Variants in SEC23IP observed in about 807,000 individuals in gnomAD.
The protein encoded by SEC23IP is SEC23 interacting protein, also known as SEC23-interacting protein.
A neutral mutation model predicts 113.4 loss-of-function variants in SEC23IP; 70 were observed. That is an observed-to-expected ratio of 0.62 (90% CI 0.51 to 0.75). The LOEUF is 0.75. Among genes scored for constraint, SEC23IP ranks in the 30% least tolerant of loss-of-function variants. The probability of loss-of-function intolerance (pLI) is 0.00; values close to 1 mark genes in which losing one functional copy is unlikely to be tolerated. For synonymous variants in SEC23IP, 398 were observed against 421.0 expected (o/e 0.95, Z 0.67); for missense variants, 1,160 against 1,204.9 (o/e 0.96, Z 0.55).
At chr10:119,923,085 A>T (rs1484713867) in intron 12 of SEC23IP, among the ~76,000 whole-genome samples, 1 of 152,178 alleles carries the variant, frequency 6.6e-6, no homozygotes, top group Non-Finnish European at 1.5e-5. Context: ...CTGTAATGAA[A>T]GGGAAAAAAG....
Position 119,932,185 on chromosome 10 carries a change from T to C in SEC23IP, c.2625T>C (p.Ile875=). ...GATCTGATTTGAAGCAGGGTTTTAT[T>C]AGCTCTCTCAAAAGTGCTTGGCAGA... ...RMGSDLKQGF[I]SSLKSAWQTL... is the part of the protein sequence containing the mutation. The change falls in exon 16 of 19, where the codon ATT becomes ATC. Residue 875 remains isoleucine (I), a synonymous_variant. Transcript: ENST00000369075. The C allele has an allele frequency of 6.2e-7, 1 of 1,612,984 alleles. No homozygotes were observed. The highest frequency in any genetic ancestry group is 1.1e-5 in the South Asian group (1 of 91,046).
intron 2 of SEC23IP, among the ~76,000 whole-genome samples, chr10:119,899,270 C>A (rs757837526): frequency 1.3e-5 from 2 of 152,122 alleles, no homozygotes; most frequent in African/African-American, 4.8e-5. Flanking sequence ...AGAATTGAAG[C>A]GGTTATTGTC....
intron 11 of SEC23IP, 115 bp downstream of exon 11, chr10:119,919,711 T>G (rs1194594799): frequency 9.7e-6 from 8 of 827,138 alleles, no homozygotes; most frequent in Non-Finnish European, 1.4e-5. Context: ...AAGACTGAAA[T>G]GTTTTAAAAA....
chr10:119,919,741 TA>T (rs1855183342), intron 11 of SEC23IP, 145 bp downstream of exon 11: 4 of 694,824 alleles, frequency 5.8e-6, no homozygotes, highest in Admixed American at 7.4e-5. Flanking sequence ...CACAGAAGAA[TA>T]TTTTTTTATA....
intron 8 of SEC23IP, 112 bp downstream of exon 8, chr10:119,916,001 G>A (rs967861615): frequency 1.1e-6 from 1 of 895,014 alleles, no homozygotes; most frequent in Admixed American, 3.4e-5. Context: ...TTTAAAAATT[G>A]TATACTTCTG....
At chr10:119,898,233 A>G in intron 1 of SEC23IP, 194 bp from the exon 2 acceptor site, 2 of 1,014,946 alleles carry the variant, frequency 2.0e-6, no homozygotes, top group South Asian at 2.7e-5. Context: ...TTTCTTATTC[A>G]TGTTTTCTAG....
chr10:119,901,906 C>G (rs538216830), intron 2 of SEC23IP, among the ~76,000 whole-genome samples: 1 of 152,070 alleles, frequency 6.6e-6, no homozygotes, highest in Non-Finnish European at 1.5e-5. Flanking sequence ...CGGCTTGTCT[C>G]GAACTCCTGA....
At chr10:119,916,490 T>C (rs1855058323) in intron 8 of SEC23IP, among the ~76,000 whole-genome samples, 1 of 152,248 alleles carries the variant, frequency 6.6e-6, no homozygotes, top group Non-Finnish European at 1.5e-5. Context: ...TAGATTTTAG[T>C]GAACACCGTA....
intron 4 of SEC23IP, among the ~76,000 whole-genome samples, chr10:119,905,357 T>C (rs1219704302): frequency 6.6e-6 from 1 of 152,218 alleles, no homozygotes; most frequent in Non-Finnish European, 1.5e-5. Flanking sequence ...CTGAAGTATA[T>C]ATTTTCAAGT....
chr10:119,896,921 G>C (rs185424548), intron 1 of SEC23IP, among the ~76,000 whole-genome samples: 253 of 152,318 alleles, frequency 1.7e-3, no homozygotes, highest in Middle Eastern at 0.01. Flanking sequence ...ACAAGGCCTT[G>C]TGCAGCAAGG....
intron 7 of SEC23IP, among the ~76,000 whole-genome samples, 184 bp downstream of exon 7, chr10:119,915,003 G>A (rs61867981): frequency 0.089 from 13,546 of 152,206 alleles, 688 homozygotes; most frequent in South Asian, 0.17. Flanking sequence ...CATATGTGAC[G>A]CATACAATCC....
intron 1 of SEC23IP, among the ~76,000 whole-genome samples, chr10:119,894,806 T>A (rs1039796240): frequency 6.6e-6 from 1 of 152,208 alleles, no homozygotes; most frequent in Non-Finnish European, 1.5e-5. Context: ...TTTGTGTGTG[T>A]CACTGTGAAT....
chr10:119,932,386 A>C lies in SEC23IP; in HGVS notation c.2758+68A>C, dbSNP rs569254158. On this transcript the variant is annotated intron_variant, in intron 16 of 18. Coordinates refer to ENST00000369075, the MANE Select transcript of SEC23IP (RefSeq NM_007190.4). ...TATGAACATAATACTTAAAAGTTAT[A>C]TGATGATGCATTTCCTTTCTAGACT... 118 of 1,181,622 alleles carry C rather than the reference A, an allele frequency of 1.0e-4. No homozygotes were observed. In the Middle Eastern group the frequency reaches 2.9e-3, roughly 29 times the overall value. 73.2% of individuals were successfully genotyped at this position (1,181,622 alleles called of 1,614,324 possible).
chr10:119,919,976 G>A (rs1041619855), intron 11 of SEC23IP, among the ~76,000 whole-genome samples: 1 of 152,116 alleles, frequency 6.6e-6, no homozygotes, highest in Non-Finnish European at 1.5e-5. Flanking sequence ...ATATAAACAT[G>A]ATTTACAGAA....
intron 15 of SEC23IP, 35 bp from the exon 16 acceptor site, chr10:119,932,098 C>G: frequency 2.2e-6 from 3 of 1,393,726 alleles, no homozygotes; most frequent in Non-Finnish European, 3.1e-6. Flanking sequence ...TACCCAGTGA[C>G]TAATTAACTT....
At position 119,909,136 on chromosome 10, in the gene SEC23IP, G is replaced by A. The variant is rs922345918; in HGVS notation, c.1191+6G>A. On this transcript the variant is annotated splice_donor_region_variant and intron_variant, in intron 5 of 18. Coordinates refer to ENST00000369075, the MANE Select transcript of SEC23IP (RefSeq NM_007190.4). ...TTGTTATGCACAATCCAAAGGTAAT[G>A]ATGGTGTTCAAAATTTTAAGGTATT... The A allele has an allele frequency of 5.7e-6, 9 of 1,575,894 alleles. No individual in the cohort carries two copies. The highest frequency in any genetic ancestry group is 7.8e-6 in the Non-Finnish European group (9 of 1,157,036).
intron 13 of SEC23IP, among the ~76,000 whole-genome samples, chr10:119,928,166 CTT>C (rs1362444070): frequency 6.6e-6 from 1 of 152,074 alleles, no homozygotes; most frequent in East Asian, 1.9e-4. Context: ...CACTGTATTT[CTT>C]TGAGCACTAG....
intron 7 of SEC23IP, among the ~76,000 whole-genome samples, chr10:119,915,407 A>G (rs906140609): frequency 4.6e-5 from 7 of 150,732 alleles, no homozygotes; most frequent in Non-Finnish European, 1.0e-4. Context: ...GGTAAGTGAA[A>G]CTCTCCCTTA....
chr10:119,904,367 T>C (rs199586364), intron 4 of SEC23IP, 90 bp downstream of exon 4: 45 of 1,143,850 alleles, frequency 3.9e-5, no homozygotes, highest in Admixed American at 3.7e-4. Context: ...TGGAGCGGAC[T>C]TTACTTACAA....
Sources: gnomAD v4.1 joint callset for allele counts (sites outside exome capture counted in the v4.1 genomes callset) on GRCh38, gnomAD v4.1.1 for gene constraint, MANE v1.5 for transcripts, NCBI Gene and HGNC (gene_info 2026-07-23, HGNC 2026-07-21) for gene names.